The following SYNPR variants were observed in gnomAD, a reference collection of about 807,000 sequenced individuals.
The protein encoded by SYNPR is synaptoporin.
In SYNPR, 23 loss-of-function variants were observed where a neutral mutation model predicts 32.9. That is an observed-to-expected ratio of 0.70 (90% CI 0.50 to 0.99). The LOEUF is 0.99. Ranked by LOEUF, SYNPR falls within the 50% of genes least tolerant of loss-of-function variation. The probability of loss-of-function intolerance (pLI) is 0.00; values close to 1 mark genes in which losing one functional copy is unlikely to be tolerated. For synonymous variants in SYNPR, 146 were observed against 135.9 expected, an observed-to-expected ratio of 1.07 and a Z score of -0.52; for missense variants, 318 against 349.3, an observed-to-expected ratio of 0.91 and a Z score of 0.71.
At chr3:63,350,813 C>T (rs7635844) in intron 2 of SYNPR, among the ~76,000 whole-genome samples, 27,651 of 152,128 alleles carry the variant, frequency 0.18, 2,832 homozygotes, top group South Asian at 0.25. Context: ...TTGTCCCTCC[C>T]AATTAATAGT....
intron 2 of SYNPR, among the ~76,000 whole-genome samples, chr3:63,431,178 AG>A (rs1699986713): frequency 6.6e-6 from 1 of 152,186 alleles, no homozygotes; most frequent in Non-Finnish European, 1.5e-5. Flanking sequence ...TTCACTAACA[AG>A]ATATATTTGA....
intron 2 of SYNPR, among the ~76,000 whole-genome samples, chr3:63,375,403 G>A (rs544865587): frequency 6.6e-6 from 1 of 152,226 alleles, no homozygotes; most frequent in East Asian, 1.9e-4. Context: ...AAAAAAGGAT[G>A]AGTTCATGTC....
At chr3:63,487,800 T>C (rs1701183264) in intron 3 of SYNPR, among the ~76,000 whole-genome samples, 1 of 152,176 alleles carries the variant, frequency 6.6e-6, no homozygotes, top group Non-Finnish European at 1.5e-5. Flanking sequence ...AGCATAATCC[T>C]TGGGAGGTTG....
chr3:63,366,302 G>T (rs568282994), intron 2 of SYNPR, among the ~76,000 whole-genome samples: 1 of 152,184 alleles, frequency 6.6e-6, no homozygotes, highest in African/African-American at 2.4e-5. Flanking sequence ...CTTGGGAGGG[G>T]TGATAAGAGG....
intron 2 of SYNPR, among the ~76,000 whole-genome samples, chr3:63,354,629 G>A (rs2087551032): frequency 6.6e-6 from 1 of 152,182 alleles, no homozygotes; most frequent in Admixed American, 6.5e-5. Flanking sequence ...AGTGAAGTGT[G>A]CATGTAACAG....
chr3:63,209,004 T>C, the SYNPR span, among the ~76,000 whole-genome samples: 5,652 of 152,134 alleles, frequency 0.037, 349 homozygotes, highest in African/African-American at 0.13. Context: ...CACTCCATTC[T>C]CCTCTAACGT....
intron 3 of SYNPR, among the ~76,000 whole-genome samples, chr3:63,499,864 G>T (rs1701445217): frequency 6.6e-6 from 1 of 151,636 alleles, no homozygotes; most frequent in African/African-American, 2.4e-5. Flanking sequence ...CAAATTCATT[G>T]TCCTCAAGGA....
rs147665626 is a variant in SYNPR at position 63,259,838 on chromosome 3, C to G, written n.154+7252C>G. On this transcript the variant is annotated intron_variant and non_coding_transcript_variant, in intron 2 of 4. Coordinates refer to the SYNPR transcript ENST00000478456. ...ATCTAGAAAACCCCATCGTCTCAGC[C>G]CAGAATCTCCTTAAGGTGATAGACA... 8.5e-4 allele frequency among the ~76,000 whole-genome samples: 129 copies of G among 152,214 alleles called. No individual in the cohort carries two copies. In the East Asian group the frequency reaches 0.022, roughly 26 times the overall value.
intron 2 of SYNPR, among the ~76,000 whole-genome samples, chr3:63,337,168 G>T (rs941583546): frequency 3.6e-5 from 5 of 138,554 alleles, no homozygotes; most frequent in Admixed American, 8.0e-5. Flanking sequence ...GGAGGCAGAG[G>T]TTGCAGTGAG....
upstream of SYNPR, among the ~76,000 whole-genome samples, chr3:63,224,891 A>G (rs1050102456): frequency 1.3e-5 from 2 of 152,212 alleles, no homozygotes. Context: ...ACGACATAGC[A>G]TATTCCCTCT....
intron 2 of SYNPR, among the ~76,000 whole-genome samples, chr3:63,397,184 A>C (rs979391118): frequency 6.6e-6 from 1 of 151,726 alleles, no homozygotes; most frequent in African/African-American, 2.4e-5. Context: ...GGCTGTAGGG[A>C]GGCAGAGAAG....
intron 2 of SYNPR, among the ~76,000 whole-genome samples, chr3:63,448,053 G>A (rs1464142912): frequency 6.7e-6 from 1 of 149,958 alleles, no homozygotes; most frequent in Non-Finnish European, 1.5e-5. Context: ...TCCCAGGCTG[G>A]AGTGCAGTGG....
intron 5 of SYNPR, among the ~76,000 whole-genome samples, chr3:63,614,201 T>C (rs1575738152): frequency 1.3e-5 from 2 of 152,246 alleles, no homozygotes; most frequent in East Asian, 3.8e-4. Context: ...AAATATACTT[T>C]AATGTTATCA....
At chr3:63,294,462 T>C (rs753308593) in intron 2 of SYNPR, among the ~76,000 whole-genome samples, 1 of 152,224 alleles carries the variant, frequency 6.6e-6, no homozygotes, top group Non-Finnish European at 1.5e-5. Flanking sequence ...TGGAAATATT[T>C]TAATGAACAG....
intron 2 of SYNPR, among the ~76,000 whole-genome samples, chr3:63,305,868 C>T (rs1428785509): frequency 3.9e-5 from 6 of 151,962 alleles, no homozygotes; most frequent in Non-Finnish European, 8.8e-5. Flanking sequence ...TCCTGAGTCT[C>T]AAGAAATCCC....
chr3:63,270,472 C>T (rs1435175097), intron 3 of SYNPR, among the ~76,000 whole-genome samples: 1 of 152,098 alleles, frequency 6.6e-6, no homozygotes, highest in African/African-American at 2.4e-5. Context: ...GTGGGTGAAC[C>T]AGTTCCCTAA....
chr3:63,435,245 A>G (rs1249801300), intron 2 of SYNPR, among the ~76,000 whole-genome samples: 1 of 152,216 alleles, frequency 6.6e-6, no homozygotes, highest in Non-Finnish European at 1.5e-5. Flanking sequence ...CAACTTACTG[A>G]ACCGCACTAA....
intron 4 of SYNPR, among the ~76,000 whole-genome samples, chr3:63,582,524 C>T (rs1703110053): frequency 6.6e-6 from 1 of 152,054 alleles, no homozygotes; most frequent in African/African-American, 2.4e-5. Context: ...TCTTGATCCG[C>T]TGATATTCAG....
At chr3:63,329,972 G>C (rs961671) in intron 2 of SYNPR, 31,916 of 151,914 alleles carry the variant, frequency 0.21, 3,857 homozygotes, top group South Asian at 0.37. Flanking sequence ...AGGAGAGCAT[G>C]TAACCCCTTG....
Sources: allele counts gnomAD v4.1 joint callset (sites outside exome capture counted in the v4.1 genomes callset), GRCh38; gene constraint gnomAD v4.1.1; transcripts MANE v1.5; gene names NCBI Gene and HGNC (gene_info 2026-07-23, HGNC 2026-07-21).